HS6ST2: variants seen among roughly 807,000 people sequenced by gnomAD.
HS6ST2 encodes the protein heparan-sulfate 6-O-sulfotransferase 2.
A neutral mutation model predicts 33.0 loss-of-function variants in HS6ST2; 17 were observed. The ratio of observed to expected loss-of-function variants is 0.52; its 90% confidence interval spans 0.35 to 0.77. The LOEUF (loss-of-function observed/expected upper bound fraction) is 0.77, where lower values mean the gene tolerates loss of function less well. Among genes scored for constraint, HS6ST2 ranks in the 30% least tolerant of loss-of-function variants. The pLI is 0.01. For synonymous variants in HS6ST2, 248 were observed against 237.1 expected, an observed-to-expected ratio of 1.05 and a Z score of -0.42; for missense variants, 519 against 551.7, an observed-to-expected ratio of 0.94 and a Z score of 0.59.
intron 2 of HS6ST2, among the ~76,000 whole-genome samples, chrX:132,944,158 A>T (rs1292421572): frequency 8.9e-6 from 1 of 112,103 alleles, no homozygotes; most frequent in Non-Finnish European, 1.9e-5. Context: ...AACTTCAGCA[A>T]AGTCTCAGGA....
At chrX:132,732,315 GT>G (rs1041329409) in intron 2 of HS6ST2, among the ~76,000 whole-genome samples, 3 of 111,667 alleles carry the variant, frequency 2.7e-5, no homozygotes, top group African/African-American at 9.8e-5. Flanking sequence ...TCTAACTCCA[GT>G]TTAGCCACCC....
chrX:132,949,847 T>C (rs1025559111), intron 2 of HS6ST2, among the ~76,000 whole-genome samples: 14 of 111,024 alleles, frequency 1.3e-4, no homozygotes, highest in African/African-American at 4.6e-4. Context: ...GGGTAGGAGA[T>C]GATTTCTCTC....
rs1280962326 is a variant in HS6ST2 at position 132,626,818 on chromosome X, C to A, written c.*1405G>T. The A allele has an allele frequency of 2.7e-5, 3 of 112,064 alleles. No individual in the cohort carries two copies. Among genetic ancestry groups the A allele is most frequent in the Non-Finnish European group, 5.6e-5 (3 of 53,205 alleles). The allele number at this position is 112,064 out of a possible 1,213,427, so 9.2% of individuals were successfully genotyped here. ...CAGTGGGTTACATACTTCTTTTTAT[C>A]TTGGTCAGCTTGTAATAGGTACCAT... On this transcript the variant is annotated 3_prime_UTR_variant, in exon 5 of 5. Coordinates refer to ENST00000370833, the MANE Select transcript of HS6ST2 (RefSeq NM_001394073.1).
chrX:132,820,924 G>A (rs1230415792), intron 2 of HS6ST2, among the ~76,000 whole-genome samples: 1 of 110,201 alleles, frequency 9.1e-6, no homozygotes, highest in African/African-American at 3.3e-5. Flanking sequence ...ACCCTCCACA[G>A]CCCAGGACAT....
In HS6ST2 at chrX:132,740,440, T is replaced by C. The variant is rs1485965062; in HGVS notation, c.948-31946A>G. ...CTGAACCCCATCAGTTCCTAGAGCT[T>C]CTCTCCCAGCAAACCATTCACAATA... On this transcript the variant is annotated intron_variant, in intron 2 of 4. Transcript: ENST00000370833. Among the ~76,000 whole-genome samples the C allele has an allele frequency of 4.5e-5, 5 of 111,481 alleles. No individual in the cohort carries two copies. In the East Asian group the frequency reaches 1.4e-3, roughly 31 times the overall value.
chrX:132,938,076 T>G (rs2066844991), intron 2 of HS6ST2, among the ~76,000 whole-genome samples: 1 of 107,344 alleles, frequency 9.3e-6, no homozygotes, highest in Non-Finnish European at 1.9e-5. Context: ...GTGGGGGGAT[T>G]GCTTGAGCCC....
At chrX:132,914,599 C>T (rs2066566386) in intron 2 of HS6ST2, among the ~76,000 whole-genome samples, 1 of 112,253 alleles carries the variant, frequency 8.9e-6, no homozygotes, top group Non-Finnish European at 1.9e-5. Flanking sequence ...TAGATGGAAA[C>T]TTTCTATTCA....
chrX:132,870,304 G>A (rs1318421290), intron 2 of HS6ST2, among the ~76,000 whole-genome samples: 1 of 111,784 alleles, frequency 8.9e-6, no homozygotes, highest in Non-Finnish European at 1.9e-5. Context: ...AATTTTCATG[G>A]ATAGGAAGAA....
At chrX:132,749,789 TG>T (rs1246439474) in intron 2 of HS6ST2, among the ~76,000 whole-genome samples, 8 of 111,342 alleles carry the variant, frequency 7.2e-5, no homozygotes, top group South Asian at 3.9e-4. Flanking sequence ...TGCAGCCTGG[TG>T]GGGGGAGTGC....
intron 4 of HS6ST2, among the ~76,000 whole-genome samples, chrX:132,663,425 A>C (rs2063787822): frequency 8.9e-6 from 1 of 112,467 alleles, no homozygotes; most frequent in Non-Finnish European, 1.9e-5. Flanking sequence ...AAAGGTAGTT[A>C]GGCTATAAAT....
intron 3 of HS6ST2, among the ~76,000 whole-genome samples, chrX:132,685,211 T>TC: frequency 8.9e-6 from 1 of 112,182 alleles, no homozygotes; most frequent in Middle Eastern, 4.6e-3. Flanking sequence ...GGATTAAATA[T>TC]ACTAAGGTGA....
intron 2 of HS6ST2, among the ~76,000 whole-genome samples, chrX:132,892,763 G>C: frequency 8.9e-6 from 1 of 111,749 alleles, no homozygotes; most frequent in Admixed American, 9.5e-5. Context: ...AAGTTGCAGT[G>C]AGCCGAGATT....
chrX:132,917,586 C>T (rs1216306687), intron 2 of HS6ST2, among the ~76,000 whole-genome samples: 2 of 108,372 alleles, frequency 1.8e-5, no homozygotes, highest in East Asian at 5.8e-4. Context: ...GGTGGAGACT[C>T]CCTCTCAAAA....
At chrX:132,857,483 C>CA (rs1267173518) in intron 2 of HS6ST2, among the ~76,000 whole-genome samples, 88 of 56,789 alleles carry the variant, frequency 1.5e-3, no homozygotes, top group East Asian at 6.3e-3. Context: ...GACTCTGTCT[C>CA]AAAAAAAAAA....
intron 2 of HS6ST2, among the ~76,000 whole-genome samples, chrX:132,741,100 C>T (rs897998579): frequency 3.6e-5 from 4 of 111,257 alleles, no homozygotes; most frequent in Non-Finnish European, 5.7e-5. Context: ...GAGATGGAGT[C>T]GGGTGGATGC....
At chrX:132,852,887 G>T (rs1405702794) in intron 2 of HS6ST2, among the ~76,000 whole-genome samples, 4 of 112,083 alleles carry the variant, frequency 3.6e-5, no homozygotes, top group African/African-American at 1.3e-4. Flanking sequence ...TCTGCTACCT[G>T]TCCTTGATCA....
At chrX:132,857,578 G>A (rs182222312) in intron 2 of HS6ST2, among the ~76,000 whole-genome samples, 2 of 111,282 alleles carry the variant, frequency 1.8e-5, no homozygotes, top group African/African-American at 6.5e-5. Flanking sequence ...AACCAAGAAA[G>A]CAATTAAAAG....
intron 2 of HS6ST2, among the ~76,000 whole-genome samples, chrX:132,787,165 A>ATG (rs201025636): frequency 0.28 from 19,026 of 67,790 alleles, 2,766 homozygotes; most frequent in African/African-American, 0.34. Context: ...GTATATATAT[A>ATG]TGTATATATA....
chrX:132,930,041 C>A (rs2066749523), intron 2 of HS6ST2, among the ~76,000 whole-genome samples: 1 of 111,883 alleles, frequency 8.9e-6, no homozygotes, highest in Admixed American at 9.5e-5. Context: ...TCTTCCCTTT[C>A]CCAGAGGCAT....
Sources: gnomAD v4.1 joint callset for allele counts (sites outside exome capture counted in the v4.1 genomes callset) on GRCh38, gnomAD v4.1.1 for gene constraint, MANE v1.5 for transcripts, NCBI Gene and HGNC (gene_info 2026-07-23, HGNC 2026-07-21) for gene names.